SEMA6D: variants seen among roughly 807,000 people sequenced by gnomAD.
The protein encoded by SEMA6D is semaphorin 6D, also known as semaphorin-6D.
In SEMA6D, 35 loss-of-function variants were observed where a neutral mutation model predicts 106.6. The observed-to-expected ratio is 0.33, with a 90% CI of 0.25 to 0.44. The LOEUF is 0.44. Among genes scored for constraint, SEMA6D ranks in the 20% least tolerant of loss-of-function variants. SEMA6D has a pLI of 1.00. For synonymous variants in SEMA6D, 499 were observed against 487.7 expected, an observed-to-expected ratio of 1.02 and a Z score of -0.31; for missense variants, 1,185 against 1,345.9, an observed-to-expected ratio of 0.88 and a Z score of 1.87.
intron 1 of SEMA6D, among the ~76,000 whole-genome samples, chr15:47,354,413 G>T (rs1177409532): frequency 1.4e-5 from 2 of 146,844 alleles, no homozygotes; most frequent in Non-Finnish European, 3.0e-5. Flanking sequence ...GAATGAGAGA[G>T]CATATACATA....
chr15:47,704,124 G>C (rs1035493470), intron 4 of SEMA6D, among the ~76,000 whole-genome samples: 5 of 152,148 alleles, frequency 3.3e-5, no homozygotes, highest in Admixed American at 2.6e-4. Flanking sequence ...ATTTTTATCT[G>C]TCAGTATATA....
At chr15:47,216,779 A>T (rs1045689801) in intron 1 of SEMA6D, among the ~76,000 whole-genome samples, 2 of 152,148 alleles carry the variant, frequency 1.3e-5, no homozygotes, top group Non-Finnish European at 2.9e-5. Context: ...TAAACATCAA[A>T]TATAATTAAA....
At chr15:47,749,403 C>T (rs1254258063) in intron 1 of SEMA6D, among the ~76,000 whole-genome samples, 2 of 151,994 alleles carry the variant, frequency 1.3e-5, no homozygotes, top group African/African-American at 2.4e-5. Flanking sequence ...TCTTGTCAGG[C>T]GCAAGGGGTT....
chr15:47,463,602 C>T (rs2042577767), intron 2 of SEMA6D, among the ~76,000 whole-genome samples: 1 of 152,140 alleles, frequency 6.6e-6, no homozygotes, highest in Non-Finnish European at 1.5e-5. Context: ...TCGGGGGAAT[C>T]CCCGTGGGGC....
At chr15:47,570,141 T>G (rs2046342442) in intron 3 of SEMA6D, among the ~76,000 whole-genome samples, 1 of 152,144 alleles carries the variant, frequency 6.6e-6, no homozygotes, top group Admixed American at 6.5e-5. Context: ...CACTGTGAAG[T>G]CTTTTTATTA....
chr15:47,267,146 C>T (rs1371084679), intron 1 of SEMA6D, among the ~76,000 whole-genome samples: 1 of 152,166 alleles, frequency 6.6e-6, no homozygotes, highest in East Asian at 1.9e-4. Flanking sequence ...CTTGAACATT[C>T]TCTGAGTTTC....
At chr15:47,731,215 G>A (rs1596835893) in intron 1 of SEMA6D, among the ~76,000 whole-genome samples, 2 of 152,014 alleles carry the variant, frequency 1.3e-5, no homozygotes, top group East Asian at 1.9e-4. Flanking sequence ...AATATTTTCA[G>A]TTAGCAGTAA....
chr15:47,627,048 AC>A (rs2077215548), intron 4 of SEMA6D, among the ~76,000 whole-genome samples: 1 of 152,116 alleles, frequency 6.6e-6, no homozygotes, highest in South Asian at 2.1e-4. Context: ...AGAGAATGTG[AC>A]CCATCACCAG....
intron 1 of SEMA6D, among the ~76,000 whole-genome samples, chr15:47,271,744 A>G (rs1267742514): frequency 6.6e-6 from 1 of 152,172 alleles, no homozygotes; most frequent in Non-Finnish European, 1.5e-5. Context: ...AAGAGAAAAT[A>G]TTAATATAAA....
At chr15:47,269,430 A>AT (rs956272698) in intron 1 of SEMA6D, among the ~76,000 whole-genome samples, 19 of 152,224 alleles carry the variant, frequency 1.2e-4, no homozygotes, top group Non-Finnish European at 1.0e-4. Flanking sequence ...AAACATACTG[A>AT]TTTTTTAAAA....
intron 1 of SEMA6D, among the ~76,000 whole-genome samples, chr15:47,744,376 G>T (rs2080997643): frequency 6.6e-6 from 1 of 152,180 alleles, no homozygotes; most frequent in Non-Finnish European, 1.5e-5. Context: ...CATTGGGAAT[G>T]CAGAGAGAGG....
intron 4 of SEMA6D, among the ~76,000 whole-genome samples, chr15:47,654,053 G>C (rs948522324): frequency 1.3e-5 from 2 of 152,172 alleles, no homozygotes; most frequent in East Asian, 3.9e-4. Context: ...GTGTGATTAT[G>C]AATCTTCTAC....
chr15:47,754,065 A>C (rs1371009170), intron 1 of SEMA6D, among the ~76,000 whole-genome samples: 1 of 152,136 alleles, frequency 6.6e-6, no homozygotes, highest in Non-Finnish European at 1.5e-5. Context: ...GGGATTCATT[A>C]ATTTCAAATT....
chr15:47,186,846 A>G (rs1893609543), intron 1 of SEMA6D, among the ~76,000 whole-genome samples: 1 of 152,352 alleles, frequency 6.6e-6, no homozygotes, highest in Non-Finnish European at 1.5e-5. Flanking sequence ...CAGATTGATT[A>G]CTGCACTAAA....
intron 1 of SEMA6D, among the ~76,000 whole-genome samples, chr15:47,731,891 A>G (rs1567040028): frequency 6.6e-6 from 1 of 152,224 alleles, no homozygotes; most frequent in African/African-American, 2.4e-5. Flanking sequence ...CACACCACAC[A>G]TAGACATGTG....
At chr15:47,480,359 T>C (rs1274501805) in intron 3 of SEMA6D, among the ~76,000 whole-genome samples, 1 of 152,038 alleles carries the variant, frequency 6.6e-6, no homozygotes, top group Non-Finnish European at 1.5e-5. Context: ...TCAATGGTTC[T>C]CCATGGTCGA....
At chr15:47,725,545 C>G (rs1367676748) in intron 1 of SEMA6D, among the ~76,000 whole-genome samples, 1 of 152,006 alleles carries the variant, frequency 6.6e-6, no homozygotes, top group African/African-American at 2.4e-5. Context: ...CCCCACTTTC[C>G]CACCTCCCTC....
chr15:47,537,011 A>C (rs1264010126), intron 3 of SEMA6D, among the ~76,000 whole-genome samples: 2 of 152,346 alleles, frequency 1.3e-5, no homozygotes, highest in East Asian at 3.9e-4. Flanking sequence ...GCAGTTAGAT[A>C]TAGAAGTCAG....
chr15:47,331,119 T>G (rs752480552), intron 1 of SEMA6D, among the ~76,000 whole-genome samples: 20 of 152,194 alleles, frequency 1.3e-4, no homozygotes, highest in Non-Finnish European at 2.5e-4. Context: ...TTTCACAGTA[T>G]ACTCTACCAC....
Sources: gnomAD v4.1 joint callset for allele counts (sites outside exome capture counted in the v4.1 genomes callset) on GRCh38, gnomAD v4.1.1 for gene constraint, MANE v1.5 for transcripts, NCBI Gene and HGNC (gene_info 2026-07-23, HGNC 2026-07-21) for gene names.